PBX1: variants seen among roughly 807,000 people sequenced by gnomAD.
The protein encoded by PBX1 is PBX homeobox 1.
Under a neutral mutation model 53.4 loss-of-function variants are expected in PBX1, and 6 were observed. The ratio of observed to expected loss-of-function variants is 0.11; its 90% CI spans 0.06 to 0.22. PBX1 has a LOEUF of 0.22. Ranked by LOEUF, PBX1 falls within the 10% of genes least tolerant of loss-of-function variation. The probability of loss-of-function intolerance (pLI) is 1.00; values close to 1 mark genes in which losing one functional copy is unlikely to be tolerated. For synonymous variants in PBX1, 204 were observed against 212.3 expected, an observed-to-expected ratio of 0.96 and a Z score of 0.34; for missense variants, 251 against 551.4, an observed-to-expected ratio of 0.46 and a Z score of 5.46.
chr1:164,745,023 C>A (rs941609417), intron 2 of PBX1, among the ~76,000 whole-genome samples: 1 of 152,146 alleles, frequency 6.6e-6, no homozygotes, highest in African/African-American at 2.4e-5. Flanking sequence ...AGTACTGTTT[C>A]TATTCCCATT....
intron 2 of PBX1, among the ~76,000 whole-genome samples, chr1:164,652,548 A>G (rs1487774652): frequency 6.6e-6 from 1 of 152,192 alleles, no homozygotes; most frequent in Non-Finnish European, 1.5e-5. Flanking sequence ...AAGGTAATAG[A>G]ACTAGAAGGT....
chr1:164,634,977 A>T (rs180701619), intron 2 of PBX1, among the ~76,000 whole-genome samples: 28 of 151,146 alleles, frequency 1.9e-4, no homozygotes, highest in Non-Finnish European at 3.1e-4. Flanking sequence ...AGAGATGGCA[A>T]TTGTGGGCAG....
At chr1:164,691,964 G>A (rs974904468) in intron 2 of PBX1, among the ~76,000 whole-genome samples, 1 of 152,176 alleles carries the variant, frequency 6.6e-6, no homozygotes, top group African/African-American at 2.4e-5. Flanking sequence ...TTTAGGGTCT[G>A]TGTGTAAACT....
In PBX1 at chr1:164,875,988, G is replaced by GTATGTATA. The variant is rs1553256088; in HGVS notation, n.258-23197_258-23196insGTATATAT. 3.0e-4 allele frequency among the ~76,000 whole-genome samples: 17 copies of GTATGTATA among 56,920 alleles called. No homozygotes were observed. The East Asian group carries it at 3.7e-3, about 12-fold the overall frequency. 37.3% of individuals were successfully genotyped at this position (56,920 alleles called of 152,430 possible). On this transcript the variant is annotated intron_variant and non_coding_transcript_variant, in intron 2 of 2. Transcript: ENST00000558796. Reference sequence around the variant, plus strand: ...ATACCTATATATATTTGGTGTATGTGTATATATATATATATATACACACAT... The same window carrying GTATGTATA: ...ATACCTATATATATTTGGTGTATGTGTATGTATATATATATATATATATATACACACAT...
chr1:164,766,733 TA>T lies in PBX1; in HGVS notation c.266-25760del, dbSNP rs1440058831. Among the ~76,000 whole-genome samples, 413 of 120,902 alleles carry T rather than the reference TA, an allele frequency of 3.4e-3. 2 individuals carry two copies. The highest frequency in any genetic ancestry group is 4.7e-3 in the South Asian group (14 of 2,980). The allele number at this position is 120,902 out of a possible 152,430, so 79.3% of individuals were successfully genotyped here. A position where few individuals can be genotyped will look rare whatever the true frequency, so the allele number is the denominator to read the frequency against. ...TTTCCTTTTCTTTTATTTATTTATT[TA>T]TTTATTTTTTTTTTTTTGAGACAGA... is the stretch of plus-strand genomic sequence containing the variant. On this transcript the variant is annotated intron_variant, in intron 2 of 8. Transcript: ENST00000420696.
chr1:164,681,584 G>A (rs1661776146), intron 2 of PBX1, among the ~76,000 whole-genome samples: 1 of 152,188 alleles, frequency 6.6e-6, no homozygotes, highest in Non-Finnish European at 1.5e-5. Flanking sequence ...CTCAGCTTCA[G>A]TAACCTGTTG....
chr1:164,693,691 C>T (rs77941200), intron 2 of PBX1, among the ~76,000 whole-genome samples: 1,849 of 152,288 alleles, frequency 0.012, 36 homozygotes, highest in African/African-American at 0.043. Flanking sequence ...GCAGCCTTCA[C>T]ACACTTTTGC....
intron 2 of PBX1, among the ~76,000 whole-genome samples, chr1:164,579,482 G>A (rs1194479334): frequency 6.6e-6 from 1 of 152,142 alleles, no homozygotes; most frequent in East Asian, 1.9e-4. Context: ...GGCCTGCCCA[G>A]TCCTGCTGGT....
intron 8 of PBX1, among the ~76,000 whole-genome samples, chr1:164,824,516 A>G (rs1293911275): frequency 6.6e-6 from 1 of 152,150 alleles, no homozygotes; most frequent in Non-Finnish European, 1.5e-5. Context: ...TAACTTTCTG[A>G]TTTGACCTTT....
intron 2 of PBX1, among the ~76,000 whole-genome samples, chr1:164,710,764 A>C (rs1473955279): frequency 2.0e-5 from 3 of 152,146 alleles, no homozygotes; most frequent in Non-Finnish European, 4.4e-5. Context: ...TAAGGAGGAG[A>C]GAGGGGAGTA....
chr1:164,794,174 C>T lies in PBX1; in HGVS notation c.510+1436C>T, dbSNP rs868820915. On this transcript the variant is annotated intron_variant, in intron 3 of 8. Transcript: ENST00000420696. ...ATAGGCGTGAGCCACCACACCTGGC[C>T]CCTTTCTTTTTAAAAGCCAAAAAAG... is the stretch of plus-strand genomic sequence containing the variant. 1.3e-4 allele frequency among the ~76,000 whole-genome samples: 20 copies of T among 152,136 alleles called. No individual in the cohort carries two copies. In the South Asian group the frequency reaches 1.7e-3, roughly 13 times the overall value.
Position 164,824,348 on chromosome 1 carries a change from C to A in PBX1, c.1200+2722C>A, listed in dbSNP as rs558783109. Among the ~76,000 whole-genome samples, 30 of 152,212 alleles carry A rather than the reference C, an allele frequency of 2.0e-4. No homozygotes were observed. The South Asian group carries it at 6.2e-3, about 32-fold the overall frequency. ...TCCTAGTAACTCATGTGCCCGTGGG[C>A]AAATATTGAATCTCTCTTCTAGAAA... On this transcript the variant is annotated intron_variant, in intron 8 of 8. Coordinates refer to ENST00000420696, the MANE Select transcript of PBX1 (RefSeq NM_002585.4).
intron 2 of PBX1, among the ~76,000 whole-genome samples, chr1:164,780,700 T>G (rs1667889933): frequency 6.6e-6 from 1 of 152,154 alleles, no homozygotes; most frequent in African/African-American, 2.4e-5. Context: ...CCGAAGACAT[T>G]AAGTCAGTAG....
chr1:164,615,403 G>T (rs1382276675), intron 2 of PBX1, among the ~76,000 whole-genome samples: 3 of 151,966 alleles, frequency 2.0e-5, no homozygotes, highest in Non-Finnish European at 4.4e-5. Context: ...AGATATAAAA[G>T]AAAGTAATAA....
chr1:164,695,889 T>C (rs955800426), intron 2 of PBX1, among the ~76,000 whole-genome samples: 8 of 152,236 alleles, frequency 5.3e-5, no homozygotes, highest in African/African-American at 9.6e-5. Flanking sequence ...ACAAAACTTA[T>C]ATCTATCTCA....
intron 2 of PBX1, among the ~76,000 whole-genome samples, chr1:164,863,345 C>T (rs956372109): frequency 6.6e-6 from 1 of 152,136 alleles, no homozygotes; most frequent in Non-Finnish European, 1.5e-5. Flanking sequence ...TCTTAAAGTC[C>T]CTAGCTAGGG....
intron 2 of PBX1, among the ~76,000 whole-genome samples, chr1:164,645,234 A>AT (rs978397820): frequency 1.1e-4 from 17 of 152,102 alleles, no homozygotes; most frequent in African/African-American, 3.9e-4. Flanking sequence ...CCAGTACAGG[A>AT]TTCCCCCCCT....
At chr1:164,796,194 A>G (rs182278383) in intron 3 of PBX1, among the ~76,000 whole-genome samples, 75 of 152,148 alleles carry the variant, frequency 4.9e-4, no homozygotes, top group African/African-American at 1.8e-3. Flanking sequence ...TATTTTTAGT[A>G]GAGATGAGGT....
At chr1:164,819,710 TC>T in intron 6 of PBX1, 1 of 172,646 alleles carries the variant, frequency 5.8e-6, no homozygotes, top group Non-Finnish European at 1.2e-5. Flanking sequence ...CATCTTGTGG[TC>T]CCCTGGCCAA....
Sources: allele counts gnomAD v4.1 joint callset (sites outside exome capture counted in the v4.1 genomes callset), GRCh38; gene constraint gnomAD v4.1.1; transcripts MANE v1.5; gene names NCBI Gene and HGNC (gene_info 2026-07-23, HGNC 2026-07-21).